Variants in KIF21B observed in about 807,000 individuals in gnomAD.
KIF21B encodes the protein kinesin-like protein KIF21B.
A neutral mutation model predicts 192.9 loss-of-function variants in KIF21B; 85 were observed. The observed-to-expected ratio is 0.44, with a 90% CI of 0.37 to 0.53. KIF21B has a LOEUF of 0.53. Among genes scored for constraint, KIF21B ranks in the 20% least tolerant of loss-of-function variants. The pLI is 0.00. For synonymous variants in KIF21B, 832 were observed against 884.6 expected (o/e 0.94, Z 1.05); for missense variants, 1,716 against 2,194.8 (o/e 0.78, Z 4.36).
Position 200,984,972 on chromosome 1 carries a change from C to T in KIF21B, c.3690G>A (p.Arg1230=). The change falls in exon 27 of 35, where the codon AGG becomes AGA. Residue 1230 remains arginine (R), a splice_region_variant and synonymous_variant. Coordinates refer to ENST00000461742, the MANE Select transcript of KIF21B (RefSeq NM_001252102.2). ...GGGGTGTGAATCCCACATCTGTGGA[C>T]CTGGTGAGTCGGGACAGAGGGCAGC... ...RKSYDRGQPI[R]STDVGFTPPS... is the part of the protein sequence containing the mutation. 6.2e-7 allele frequency: 1 copy of T among 1,603,894 alleles called. No homozygotes were observed. The highest frequency in any genetic ancestry group is 8.5e-7 in the Non-Finnish European group (1 of 1,175,526).
chr1:201,000,508 C>T lies in KIF21B; in HGVS notation c.1567G>A (p.Ala523Thr), dbSNP rs866365757. The change falls in exon 11 of 35, where the codon GCC becomes ACC. Residue 523 changes from alanine (A) to threonine (T), a missense_variant. Coordinates refer to ENST00000461742, the MANE Select transcript of KIF21B (RefSeq NM_001252102.2). This position sits in a 1 kb window ranked among gnomAD's most constrained non-coding sequence, Gnocchi z 6.0. ...SPYSLGASPA[A>T]PAFGGSPASS... is the part of the protein sequence containing the mutation. ...GCAGGGCTGCCCCCGAAGGCCGGGG[C>T]GGCTGGAGAAGCACCCAGGGAGTAG... 8.1e-6 allele frequency: 13 copies of T among 1,610,370 alleles called. No homozygotes were observed. The highest frequency in any genetic ancestry group is 6.7e-5 in the Admixed American group (4 of 59,608).
In KIF21B at chr1:200,987,074, A is replaced by G. The variant is rs764977449; in HGVS notation, c.3536T>C (p.Val1179Ala). Residue 1179 changes from valine (V) to alanine (A), a missense_variant, in exon 25 of 35, where the codon GTG (valine) becomes GCG (alanine). Coordinates refer to ENST00000461742, the MANE Select transcript of KIF21B (RefSeq NM_001252102.2). Reference sequence around the variant, plus strand: ...ATAGGGGTCTCGGACAGAGAAGCCCACTCCGTCCTCTTTGATCTCAACGAG... The same window carrying G: ...ATAGGGGTCTCGGACAGAGAAGCCCGCTCCGTCCTCTTTGATCTCAACGAG... ...ASLVEIKEDG[V>A]GFSVRDPYYR... is the part of the protein sequence containing the mutation. 6.2e-7 allele frequency: 1 copy of G among 1,612,952 alleles called. No individual in the cohort carries two copies. The highest frequency in any genetic ancestry group is 8.5e-7 in the Non-Finnish European group (1 of 1,179,772).
chr1:201,006,290 C>G lies in KIF21B; in HGVS notation c.448-596G>C, dbSNP rs577628364. 7.2e-5 allele frequency among the ~76,000 whole-genome samples: 11 copies of G among 152,342 alleles called. No individual in the cohort carries two copies. In the East Asian group the frequency reaches 2.1e-3, roughly 29 times the overall value. On this transcript the variant is annotated intron_variant, in intron 3 of 34. Transcript: ENST00000461742. The stretch of plus-strand genomic sequence containing the variant: ...GACCATCGTGGGGAGGGGGCCTGGC[C>G]AGGAGCAGTCACCCCATTTCAGGTG...
At position 200,975,700 on chromosome 1, in the gene KIF21B, C is replaced by A; in HGVS notation, c.4444-31G>T. 6.3e-7 allele frequency: 1 copy of A among 1,582,654 alleles called. No homozygotes were observed. Among genetic ancestry groups the A allele is most frequent in the Non-Finnish European group, 8.6e-7 (1 of 1,161,512 alleles). On this transcript the variant is annotated intron_variant, in intron 32 of 34. Coordinates refer to ENST00000461742, the MANE Select transcript of KIF21B (RefSeq NM_001252102.2). The surrounding 1 kb of genome is among the most constrained non-coding windows in gnomAD (Gnocchi z 4.3). ...GGAGGAGGGGCCAGTAGGGAGAGGC[C>A]AAGTGGGAGGATGGAAGGCAGGGCC...
At position 201,004,330 on chromosome 1, in the gene KIF21B, C is replaced by A; in HGVS notation, c.1016+10G>T. 1 of 1,553,490 alleles carries A rather than the reference C, an allele frequency of 6.4e-7. No individual in the cohort carries two copies. Among genetic ancestry groups the A allele is most frequent in the Non-Finnish European group, 8.7e-7 (1 of 1,146,616 alleles). On this transcript the variant is annotated intron_variant, in intron 7 of 34. Coordinates refer to ENST00000461742, the MANE Select transcript of KIF21B (RefSeq NM_001252102.2). Reference sequence around the variant, plus strand: ...CCCTGTCCCTTCCCTGGGTGTTGGTCACCAGATACCTGTTGCCCCCCAGCG... The same window carrying A: ...CCCTGTCCCTTCCCTGGGTGTTGGTAACCAGATACCTGTTGCCCCCCAGCG...
At position 200,975,697 on chromosome 1, in the gene KIF21B, G is replaced by T; in HGVS notation, c.4444-28C>A. 6.3e-7 allele frequency: 1 copy of T among 1,585,582 alleles called. No homozygotes were observed. The highest frequency in any genetic ancestry group is 1.3e-5 in the African/African-American group (1 of 74,658). The stretch of plus-strand genomic sequence containing the variant: ...GTGGGAGGAGGGGCCAGTAGGGAGA[G>T]GCCAAGTGGGAGGATGGAAGGCAGG... On this transcript the variant is annotated intron_variant, in intron 32 of 34. Coordinates refer to ENST00000461742, the MANE Select transcript of KIF21B (RefSeq NM_001252102.2). The surrounding 1 kb of genome is among the most constrained non-coding windows in gnomAD (Gnocchi z 4.3).
At position 201,005,701 on chromosome 1, in the gene KIF21B, A is replaced by G. The variant is rs1386292115; in HGVS notation, c.448-7T>C. The G allele has an allele frequency of 6.2e-7, 1 of 1,613,162 alleles. No homozygotes were observed. The highest frequency in any genetic ancestry group is 8.5e-7 in the Non-Finnish European group (1 of 1,179,612). On this transcript the variant is annotated splice_polypyrimidine_tract_variant and splice_region_variant and intron_variant, in intron 3 of 34. Transcript: ENST00000461742. ...GGATCTCCTCGTTGTAGAGCTGTGC[A>G]GGAAGGAAACAGCTGAATTCATAGG...
chr1:201,002,229 A>T lies in KIF21B; in HGVS notation c.1334T>A (p.Ile445Asn), dbSNP rs1170147175. 1 of 1,614,078 alleles carries T rather than the reference A, an allele frequency of 6.2e-7. No homozygotes were observed. The highest frequency in any genetic ancestry group is 1.3e-5 in the African/African-American group (1 of 74,928). ...GGTGACGCGGTTGTTGATGGCATCG[A>T]TGGCCTCCTGCATGGCTTTCACCCG... ...RLRVKAMQEA[I>N]DAINNRVTQL... Residue 445 changes from isoleucine (I) to asparagine (N), a missense_variant, in exon 9 of 35, where the codon ATC (isoleucine) becomes AAC (asparagine). Ile to Asn is a moderately radical substitution (Grantham distance 149, BLOSUM62 -3). This residue lies in a region of KIF21B where 1,087 missense variants were observed against 1,316.6 expected (regional missense o/e 0.83). Coordinates refer to ENST00000461742, the MANE Select transcript of KIF21B (RefSeq NM_001252102.2).
In KIF21B at chr1:200,995,367, G is replaced by A. The variant is rs116488470; in HGVS notation, c.2277+829C>T. Reference sequence around the variant, plus strand: ...GATCTGGGCTCCACTGAGGGCTGAGGATCAGAGCAGGCAGGAATGTAGGAC... The same window carrying A: ...GATCTGGGCTCCACTGAGGGCTGAGAATCAGAGCAGGCAGGAATGTAGGAC... On this transcript the variant is annotated intron_variant, in intron 15 of 34. Coordinates refer to ENST00000461742, the MANE Select transcript of KIF21B (RefSeq NM_001252102.2). 7.4e-4 allele frequency among the ~76,000 whole-genome samples: 113 copies of A among 152,348 alleles called. 1 individual carries two copies. Among genetic ancestry groups the A allele is most frequent in the African/African-American group, 2.5e-3 (102 of 41,580 alleles).
Position 200,979,563 on chromosome 1 carries a change from C to T in KIF21B, c.4132G>A (p.Asp1378Asn), listed in dbSNP as rs1671173970. 1 of 1,572,814 alleles carries T rather than the reference C, an allele frequency of 6.4e-7. No homozygotes were observed. The change falls in exon 30 of 35, where the codon GAC becomes AAC. Residue 1378 changes from aspartate (D) to asparagine (N), a missense_variant. By Grantham distance (23) the Asp-to-Asn change is conservative. Coordinates refer to ENST00000461742, the MANE Select transcript of KIF21B (RefSeq NM_001252102.2). ...TSYIKVWDIR[D>N]SAKCIRTLTS... Reference sequence around the variant, plus strand: ...AGAGTCCGAATGCACTTGGCTGAGTCCCGGATGTCCCACACCTTGATGTAG... The same window carrying T: ...AGAGTCCGAATGCACTTGGCTGAGTTCCGGATGTCCCACACCTTGATGTAG...
chr1:201,013,228 C>T (rs978901551), intron 1 of KIF21B, among the ~76,000 whole-genome samples: 1 of 152,192 alleles, frequency 6.6e-6, no homozygotes, highest in Admixed American at 6.5e-5. Context: ...CCTTGCCAAG[C>T]CTCTGCCCTG....
intron 30 of KIF21B, among the ~76,000 whole-genome samples, chr1:200,978,917 T>G (rs891109856): frequency 4.6e-5 from 7 of 152,186 alleles, no homozygotes; most frequent in African/African-American, 1.4e-4. Context: ...CTTGAACTCC[T>G]GGTCTCAAGT....
chr1:200,982,923 G>C lies in KIF21B; in HGVS notation c.3842+133C>G, dbSNP rs1656037152. The C allele has an allele frequency of 1.3e-6, 1 of 784,340 alleles. No homozygotes were observed. The highest frequency in any genetic ancestry group is 1.5e-5 in the South Asian group (1 of 67,392). The allele number at this position is 784,340 out of a possible 1,614,324, so 48.6% of individuals were successfully genotyped here. ...AGGAACAGGTCTGGAGAGGGGGGCA[G>C]CAGGAAGGGGAGTGGAGGGGCCGCA... On this transcript the variant is annotated intron_variant, in intron 28 of 34. Transcript: ENST00000461742. This position sits in a 1 kb window ranked among gnomAD's most constrained non-coding sequence, Gnocchi z 4.7.
At chr1:201,004,542 T>TTG in intron 6 of KIF21B, 87 bp from the exon 7 acceptor site, 1 of 1,251,194 alleles carries the variant, frequency 8.0e-7, no homozygotes, top group Non-Finnish European at 1.1e-6. Flanking sequence ...CATCTGTACC[T>TTG]GCCTCTTTGG....
intron 34 of KIF21B, 42 bp from the exon 35 acceptor site, chr1:200,973,620 G>A: frequency 1.3e-6 from 2 of 1,524,628 alleles, no homozygotes; most frequent in Non-Finnish European, 1.7e-6. Flanking sequence ...GTCAGCTCTT[G>A]CAGTGGGCTT....
At chr1:201,019,075 C>T (rs918855910) in intron 1 of KIF21B, among the ~76,000 whole-genome samples, 5 of 152,160 alleles carry the variant, frequency 3.3e-5, no homozygotes, top group African/African-American at 1.2e-4. Flanking sequence ...GCTGGGACTA[C>T]AGGCATGCGC....
chr1:201,003,641 C>G lies in KIF21B; in HGVS notation c.1157G>C (p.Ser386Thr), dbSNP rs761934289. 8 of 1,614,132 alleles carry G rather than the reference C, an allele frequency of 5.0e-6. No individual in the cohort carries two copies. The highest frequency in any genetic ancestry group is 5.9e-6 in the Non-Finnish European group (7 of 1,180,050). ...CCGAGCAATCTCAGCCCGCAGTGCA[C>G]TGATTTGCTGGCTGGTCTTGTCCTG... is the stretch of plus-strand genomic sequence containing the variant. ...VNQDKTSQQI[S>T]ALRAEIARLQ... Residue 386 changes from serine to threonine, a missense_variant, in exon 8 of 35, where the codon AGT (serine) becomes ACT (threonine). Physicochemically the swap from Ser to Thr is moderately conservative, Grantham distance 58. Around this residue, in one of 3 missense-constraint regions of KIF21B, gnomAD observed 1,087 missense variants for 1,316.6 expected, o/e 0.83. Transcript: ENST00000461742.
rs1407723451 is a variant in KIF21B, at chr1:200,990,883, C to T, written c.2687+34G>A. 2.5e-6 allele frequency: 4 copies of T among 1,611,912 alleles called. No individual in the cohort carries two copies. Among genetic ancestry groups the T allele is most frequent in the Non-Finnish European group, 2.5e-6 (3 of 1,178,220 alleles). ...TGCCCCATATTCCCACCCCCTCTGC[C>T]TGCACAGGCCAGGGGACTGCCAGTC... On this transcript the variant is annotated intron_variant, in intron 18 of 34. Coordinates refer to ENST00000461742, the MANE Select transcript of KIF21B (RefSeq NM_001252102.2). The surrounding 1 kb of genome is among the most constrained non-coding windows in gnomAD (Gnocchi z 5.4).
chr1:201,020,530 A>G (rs999935219), intron 1 of KIF21B, among the ~76,000 whole-genome samples: 7 of 152,154 alleles, frequency 4.6e-5, no homozygotes, highest in African/African-American at 1.4e-4. Flanking sequence ...TGCAAAGCCG[A>G]CTAGCCTGGG....
Sources: allele counts gnomAD v4.1 joint callset (sites outside exome capture counted in the v4.1 genomes callset), GRCh38; gene constraint gnomAD v4.1.1; regional missense constraint gnomAD v4.1.1; non-coding constraint Gnocchi (gnomAD v3.1); transcripts MANE v1.5; gene names NCBI Gene and HGNC (gene_info 2026-07-23, HGNC 2026-07-21).